CNTNAP3B: variants seen among roughly 807,000 people sequenced by gnomAD.
CNTNAP3B encodes the protein contactin-associated protein-like 3B.
Under a neutral mutation model 108.9 loss-of-function variants are expected in CNTNAP3B, and 25 were observed. The observed-to-expected ratio is 0.23, with a 90% CI of 0.17 to 0.32. The LOEUF is 0.32. Among genes scored for constraint, CNTNAP3B ranks in the 10% least tolerant of loss-of-function variants. The pLI is 1.00. For missense variants in CNTNAP3B, 252 were observed against 1,210.4 expected (o/e 0.21, Z 11.75); for synonymous variants, 103 against 473.4 (o/e 0.22, Z 10.16).
At chr9:41,944,314 TA>T (rs1824456620) in intron 13 of CNTNAP3B, among the ~76,000 whole-genome samples, 1 of 147,106 alleles carries the variant, frequency 6.8e-6, no homozygotes, top group Admixed American at 6.8e-5. Context: ...ATTGATGTAA[TA>T]GGTAACAGCT....
intron 3 of CNTNAP3B, among the ~76,000 whole-genome samples, chr9:42,026,745 A>G: frequency 7.5e-6 from 1 of 132,656 alleles, no homozygotes. Flanking sequence ...TGCCGTTAAA[A>G]CCTATCCTGA....
intron 3 of CNTNAP3B, among the ~76,000 whole-genome samples, chr9:42,063,640 C>T (rs1218652147): frequency 7.3e-6 from 1 of 136,816 alleles, no homozygotes; most frequent in Non-Finnish European, 1.6e-5. Context: ...TGCCTTCCTG[C>T]CTGCCTTTTT....
chr9:41,952,272 A>C (rs1419348016), intron 13 of CNTNAP3B, among the ~76,000 whole-genome samples: 6 of 152,294 alleles, frequency 3.9e-5, no homozygotes, highest in African/African-American at 1.4e-4. Context: ...CTACCGACAT[A>C]CACTGTTTTT....
intron 2 of CNTNAP3B, among the ~76,000 whole-genome samples, chr9:42,087,623 G>A (rs1587261790): frequency 7.0e-6 from 1 of 143,772 alleles, no homozygotes; most frequent in Non-Finnish European, 1.5e-5. Flanking sequence ...GAGTAATATA[G>A]TTCACAGGTG....
At chr9:41,957,746 GTTTGTTTGT>G (rs1740290247) in intron 12 of CNTNAP3B, among the ~76,000 whole-genome samples, 1 of 152,202 alleles carries the variant, frequency 6.6e-6, no homozygotes, top group African/African-American at 2.4e-5. Context: ...TCTGGTTTTT[GTTTGTTTGT>G]TTTGTTTGTT....
chr9:41,935,803 T>G (rs1824139442), intron 14 of CNTNAP3B, among the ~76,000 whole-genome samples: 1 of 152,288 alleles, frequency 6.6e-6, no homozygotes, highest in Non-Finnish European at 1.5e-5. Flanking sequence ...TTTTAAAACC[T>G]GCTTCTCTCC....
intron 12 of CNTNAP3B, among the ~76,000 whole-genome samples, chr9:41,959,484 C>T (rs1587147229): frequency 1.3e-5 from 2 of 152,420 alleles, no homozygotes; most frequent in African/African-American, 4.8e-5. Flanking sequence ...CCTTGATTTC[C>T]TCATCTTAAA....
chr9:41,934,799 C>T (rs1423509154), intron 14 of CNTNAP3B, among the ~76,000 whole-genome samples: 1 of 152,274 alleles, frequency 6.6e-6, no homozygotes, highest in Non-Finnish European at 1.5e-5. Flanking sequence ...AATCTAATAT[C>T]TGGTTTTTAA....
intron 13 of CNTNAP3B, among the ~76,000 whole-genome samples, chr9:41,944,911 A>G (rs1815099036): frequency 6.6e-6 from 1 of 152,268 alleles, no homozygotes; most frequent in Non-Finnish European, 1.5e-5. Flanking sequence ...CAGAACTTAA[A>G]CAAATTTACA....
chr9:41,940,752 C>T (rs567375425), intron 13 of CNTNAP3B, among the ~76,000 whole-genome samples: 252 of 151,942 alleles, frequency 1.7e-3, no homozygotes, highest in Non-Finnish European at 2.9e-3. Context: ...GAGGCGGAGC[C>T]TGCAGTGAGC....
chr9:41,931,487 G>A (rs1823975801), intron 14 of CNTNAP3B, among the ~76,000 whole-genome samples: 1 of 152,258 alleles, frequency 6.6e-6, no homozygotes, highest in African/African-American at 2.4e-5. Flanking sequence ...CTTTCAAATT[G>A]GAAAATATAA....
intron 3 of CNTNAP3B, among the ~76,000 whole-genome samples, chr9:42,054,943 C>A (rs1270224316): frequency 6.9e-6 from 1 of 144,504 alleles, no homozygotes; most frequent in Non-Finnish European, 1.5e-5. Flanking sequence ...AGTCTTTCTT[C>A]TTACCAGTAC....
chr9:42,053,982 T>C (rs1192820979), intron 3 of CNTNAP3B, among the ~76,000 whole-genome samples: 1 of 151,894 alleles, frequency 6.6e-6, no homozygotes, highest in Admixed American at 6.6e-5. Context: ...TGGGAGTATA[T>C]CAACACAAAG....
At chr9:41,962,829 C>T (rs1235011086) in intron 11 of CNTNAP3B, among the ~76,000 whole-genome samples, 2,266 of 151,880 alleles carry the variant, frequency 0.015, no homozygotes, top group African/African-American at 0.051. Context: ...GTGGCGGGCG[C>T]CTGTAGTCCC....
chr9:42,085,914 C>A (rs1054861568), intron 2 of CNTNAP3B, among the ~76,000 whole-genome samples: 2 of 145,182 alleles, frequency 1.4e-5, no homozygotes, highest in African/African-American at 5.4e-5. Flanking sequence ...TAAATAGCAA[C>A]CAGTTCAATG....
At chr9:41,918,181 T>A (rs1177760450) in intron 18 of CNTNAP3B, among the ~76,000 whole-genome samples, 31 of 148,814 alleles carry the variant, frequency 2.1e-4, no homozygotes, top group African/African-American at 5.0e-4. Context: ...ATCGATTTAC[T>A]TTGTAGGAAG....
intron 14 of CNTNAP3B, among the ~76,000 whole-genome samples, chr9:41,934,852 T>C (rs1824106664): frequency 6.6e-6 from 1 of 152,298 alleles, no homozygotes; most frequent in South Asian, 2.1e-4. Flanking sequence ...ATTTGTACAC[T>C]AGTATGCATT....
intron 2 of CNTNAP3B, among the ~76,000 whole-genome samples, chr9:42,089,602 C>G (rs1396230784): frequency 6.8e-6 from 1 of 146,888 alleles, no homozygotes; most frequent in African/African-American, 2.6e-5. Flanking sequence ...TTGAAAAGCC[C>G]TTACAAATAT....
intron 17 of CNTNAP3B, among the ~76,000 whole-genome samples, chr9:41,921,673 CAGT>C (rs1322836783): frequency 1.2e-4 from 18 of 152,356 alleles, no homozygotes; most frequent in African/African-American, 3.8e-4. Context: ...AGTGATAAAA[CAGT>C]AAGTAAGCAA....
Sources: allele counts gnomAD v4.1 joint callset (sites outside exome capture counted in the v4.1 genomes callset), GRCh38; gene constraint gnomAD v4.1.1; transcripts MANE v1.5; gene names NCBI Gene and HGNC (gene_info 2026-07-23, HGNC 2026-07-21).